The following ZNF143 variants were observed in gnomAD, a reference collection of about 807,000 sequenced individuals.
ZNF143 encodes SPH-binding factor.
A neutral mutation model predicts 74.1 loss-of-function variants in ZNF143; 49 were observed. The ratio of observed to expected loss-of-function variants is 0.66; its 90% CI spans 0.53 to 0.84. ZNF143 has a LOEUF of 0.84. ZNF143 is among the 40% of genes least tolerant of loss of function. The pLI is 0.00. For missense variants in ZNF143, 637 were observed against 793.4 expected (o/e 0.80, Z 2.37); for synonymous variants, 304 against 282.8 (o/e 1.07, Z -0.75).
chr11:9,484,800 A>AGTTTTTTTTTTTTTTTT (rs1847398538), intron 7 of ZNF143, among the ~76,000 whole-genome samples: 1 of 67,008 alleles, frequency 1.5e-5, no homozygotes, highest in Non-Finnish European at 2.5e-5. Flanking sequence ...CTGGCCAAAG[A>AGTTTTTTTTTTTTTTTT]TTTTTTTTTT....
chr11:9,486,405 T>TA lies in ZNF143; in HGVS notation c.645+6860dup, dbSNP rs1565039067. ...TATATATAATATATATAATATATTA[T>TA]ATATATAATATATATTATATATATT... On this transcript the variant is annotated intron_variant, in intron 7 of 15. Coordinates refer to ENST00000396602, the MANE Select transcript of ZNF143 (RefSeq NM_003442.6). Among the ~76,000 whole-genome samples the TA allele has an allele frequency of 2.1e-3, 48 of 23,038 alleles. 1 individual carries two copies. Among genetic ancestry groups the TA allele is most frequent in the East Asian group, 6.4e-3 (4 of 624 alleles). 15.1% of individuals were successfully genotyped at this position (23,038 alleles called of 152,430 possible).
At chr11:9,466,998 A>G (rs1856271652) in intron 1 of ZNF143, among the ~76,000 whole-genome samples, 1 of 151,472 alleles carries the variant, frequency 6.6e-6, no homozygotes. Flanking sequence ...GGTTCACGCC[A>G]TTCTCCTGCC....
chr11:9,462,994 C>G (rs1259901364), intron 1 of ZNF143, among the ~76,000 whole-genome samples: 3 of 152,232 alleles, frequency 2.0e-5, no homozygotes, highest in Admixed American at 6.5e-5. Context: ...CATTTCCTCT[C>G]AGTTGTCCCC....
At chr11:9,467,506 G>T (rs1028159919) in intron 1 of ZNF143, among the ~76,000 whole-genome samples, 1 of 151,996 alleles carries the variant, frequency 6.6e-6, no homozygotes, top group South Asian at 2.1e-4. Flanking sequence ...AAAGTGCTGG[G>T]ATTATAGGTG....
chr11:9,524,145 T>A (rs962236946), intron 14 of ZNF143, among the ~76,000 whole-genome samples: 5 of 152,006 alleles, frequency 3.3e-5, no homozygotes, highest in African/African-American at 1.2e-4. Context: ...TTCTCTGTAC[T>A]GCTATTCTGG....
intron 5 of ZNF143, among the ~76,000 whole-genome samples, chr11:9,477,749 A>T (rs893401573): frequency 6.6e-5 from 10 of 152,186 alleles, no homozygotes; most frequent in African/African-American, 2.2e-4. Flanking sequence ...AGTCATACTG[A>T]CATGAGTTCA....
chr11:9,505,631 A>G (rs1848336006), intron 11 of ZNF143, among the ~76,000 whole-genome samples: 1 of 151,940 alleles, frequency 6.6e-6, no homozygotes, highest in South Asian at 2.1e-4. Context: ...CTGTAATCCC[A>G]GCACTTGGGG....
At chr11:9,488,786 A>C (rs1377669) in intron 7 of ZNF143, among the ~76,000 whole-genome samples, 1 of 152,044 alleles carries the variant, frequency 6.6e-6, no homozygotes, top group Admixed American at 6.6e-5. Flanking sequence ...ATTATTTTAG[A>C]ATGTTGTGAT....
At position 9,483,288 on chromosome 11, in the gene ZNF143, CTTTTTTT is replaced by C. The variant is rs58704619; in HGVS notation, c.645+3762_645+3768del. 1.2e-3 allele frequency among the ~76,000 whole-genome samples: 60 copies of C among 50,200 alleles called. No individual in the cohort carries two copies. In the East Asian group the frequency reaches 0.022, roughly 19 times the overall value. The allele number at this position is 50,200 out of a possible 152,430, so 32.9% of individuals were successfully genotyped here. On this transcript the variant is annotated intron_variant, in intron 7 of 15. Transcript: ENST00000396602. The stretch of plus-strand genomic sequence containing the variant: ...GGATTACAGGTGTGAGCCAACATGC[CTTTTTTT>C]TTTTTTTTTTTTTTTTTTTGGAGAC...
intron 1 of ZNF143, chr11:9,462,172 A>T (rs1485157250): frequency 1.3e-5 from 2 of 151,716 alleles, no homozygotes; most frequent in East Asian, 3.9e-4. Flanking sequence ...GCGTATTTTG[A>T]CTGTTTGGAA....
At chr11:9,493,626 C>T (rs1236182231) in intron 7 of ZNF143, among the ~76,000 whole-genome samples, 1 of 152,110 alleles carries the variant, frequency 6.6e-6, no homozygotes, top group Non-Finnish European at 1.5e-5. Context: ...CTCTGTAACT[C>T]CTCCTTTCTC....
Position 9,488,208 on chromosome 11 carries a change from C to G in ZNF143, c.646-6438C>G, listed in dbSNP as rs147450440. Among the ~76,000 whole-genome samples, 489 of 152,262 alleles carry G rather than the reference C, an allele frequency of 3.2e-3. 2 individuals are homozygous for G. The highest frequency in any genetic ancestry group is 0.011 in the African/African-American group (468 of 41,542). ...GAGGTTACAGTGACCTGAGATTGCA[C>G]CACTGCACTCCATTGTGGGCAACAG... On this transcript the variant is annotated intron_variant, in intron 7 of 15. Transcript: ENST00000396602.
At chr11:9,514,548 CAG>C (rs1848659221) in intron 13 of ZNF143, among the ~76,000 whole-genome samples, 1 of 152,158 alleles carries the variant, frequency 6.6e-6, no homozygotes, top group Non-Finnish European at 1.5e-5. Context: ...TTGAGAGATA[CAG>C]AAAGTGCTGT....
Position 9,478,409 on chromosome 11 carries a change from A to C in ZNF143, c.393A>C (p.Ala131=), listed in dbSNP as rs975017364. 23 of 1,613,986 alleles carry C rather than the reference A, an allele frequency of 1.4e-5. No individual in the cohort carries two copies. The highest frequency in any genetic ancestry group is 1.8e-5 in the Non-Finnish European group (21 of 1,179,972). Residue 131 remains alanine, a synonymous_variant, in exon 6 of 16, where the codon GCA becomes GCC. Coordinates refer to ENST00000396602, the MANE Select transcript of ZNF143 (RefSeq NM_003442.6). The part of the protein sequence containing the change: ...HTSKDSYDQS[A]LQAVQLEDGT... ...TCTCAGATAGTTATGACCAGAGTGC[A>C]TTACAGGCGGTTCAGCTGGAAGATG...
At chr11:9,505,939 T>C (rs912425318) in intron 11 of ZNF143, among the ~76,000 whole-genome samples, 2 of 150,980 alleles carry the variant, frequency 1.3e-5, no homozygotes, top group Non-Finnish European at 3.0e-5. Context: ...TATTAAAATA[T>C]ATGTGCTTAA....
intron 11 of ZNF143, among the ~76,000 whole-genome samples, chr11:9,502,241 CTTT>C (rs1183629630): frequency 4.4e-4 from 25 of 56,988 alleles, no homozygotes; most frequent in Non-Finnish European, 5.8e-4. Context: ...TGGCCATATT[CTTT>C]TTTTTTTTTT....
rs575289652 is a variant in ZNF143, at chr11:9,504,746, C to T, written c.1147+3476C>T. 4.4e-5 allele frequency among the ~76,000 whole-genome samples: 5 copies of T among 114,756 alleles called. 1 individual carries two copies. Among genetic ancestry groups the T allele is most frequent in the Admixed American group, 3.9e-4 (4 of 10,374 alleles). 75.3% of individuals were successfully genotyped at this position (114,756 alleles called of 152,430 possible). A position where few individuals can be genotyped will look rare whatever the true frequency, so the allele number is the denominator to read the frequency against. On this transcript the variant is annotated intron_variant, in intron 11 of 15. Coordinates refer to ENST00000396602, the MANE Select transcript of ZNF143 (RefSeq NM_003442.6). ...CTGGAGTGCAATGGCGTGATCTCAGCTCACTGCAACCTCCGCCTCCTGGGT... is the reference window on the plus strand; with the variant it reads ...CTGGAGTGCAATGGCGTGATCTCAGTTCACTGCAACCTCCGCCTCCTGGGT...
intron 1 of ZNF143, among the ~76,000 whole-genome samples, chr11:9,467,397 C>G (rs1856303236): frequency 6.6e-6 from 1 of 151,908 alleles, no homozygotes; most frequent in Non-Finnish European, 1.5e-5. Flanking sequence ...CCATACCCGG[C>G]TGATTTTCTT....
chr11:9,504,778 G>A lies in ZNF143; in HGVS notation c.1147+3508G>A, dbSNP rs1458528058. 8.6e-5 allele frequency among the ~76,000 whole-genome samples: 10 copies of A among 116,462 alleles called. 1 individual carries two copies. The highest frequency in any genetic ancestry group is 2.7e-4 in the African/African-American group (10 of 36,814). The allele number at this position is 116,462 out of a possible 152,430, so 76.4% of individuals were successfully genotyped here. A position where few individuals can be genotyped will look rare whatever the true frequency, so the allele number is the denominator to read the frequency against. On this transcript the variant is annotated intron_variant, in intron 11 of 15. Coordinates refer to ENST00000396602, the MANE Select transcript of ZNF143 (RefSeq NM_003442.6). ...CAACCTCCGCCTCCTGGGTTCAAGC[G>A]ATTCTCCTGCCTCAGCCTCCTGAGT...
Sources: gnomAD v4.1 joint callset for allele counts (sites outside exome capture counted in the v4.1 genomes callset) on GRCh38, gnomAD v4.1.1 for gene constraint, MANE v1.5 for transcripts, NCBI Gene and HGNC (gene_info 2026-07-23, HGNC 2026-07-21) for gene names.